TLN2: variants seen among roughly 807,000 people sequenced by gnomAD.
TLN2 encodes the protein talin-2.
Under a neutral mutation model 294.7 loss-of-function variants are expected in TLN2, and 118 were observed. That is an observed-to-expected ratio of 0.40 (90% CI 0.34 to 0.47). TLN2 has a LOEUF of 0.47. TLN2 is among the 20% of genes least tolerant of loss of function. The probability of loss-of-function intolerance (pLI) is 0.84; values close to 1 mark genes in which losing one functional copy is unlikely to be tolerated. For missense variants in TLN2, 3,083 were observed against 3,282.2 expected (o/e 0.94, Z 1.48); for synonymous variants, 1,431 against 1,304.5 (o/e 1.10, Z -2.09).
intron 31 of TLN2, 56 bp downstream of exon 31, chr15:62,739,601 A>G: frequency 6.3e-7 from 1 of 1,578,738 alleles, no homozygotes; most frequent in Non-Finnish European, 8.7e-7. Flanking sequence ...TCGGATGGAT[A>G]ATCCATCCTT....
Position 62,471,891 on chromosome 15 carries a change from G to GGGCAGA in TLN2, c.-238+81215_-238+81220dup, listed in dbSNP as rs566051839. Among the ~76,000 whole-genome samples, 391 of 152,250 alleles carry GGGCAGA rather than the reference G, an allele frequency of 2.6e-3. 2 individuals are homozygous for GGGCAGA. The highest frequency in any genetic ancestry group is 9.1e-3 in the African/African-American group (377 of 41,544). On this transcript the variant is annotated intron_variant, in intron 1 of 58. Coordinates refer to ENST00000636159, the MANE Select transcript of TLN2 (RefSeq NM_015059.3). ...AGTCAGATGGCAGCAGGAGGATGGGGGGCAGAGGCAGAGGGATTCCTTCTT... is the reference window on the plus strand; with the variant it reads ...AGTCAGATGGCAGCAGGAGGATGGGGGGCAGAGGCAGAGGCAGAGGGATTCCTTCTT...
intron 13 of TLN2, 142 bp from the exon 14 acceptor site, chr15:62,694,174 A>T: frequency 1.7e-6 from 1 of 600,608 alleles, no homozygotes. Flanking sequence ...ACGGGGTCTC[A>T]CTGTGTTGAC....
At chr15:62,500,751 G>A (rs1288624103) in intron 1 of TLN2, among the ~76,000 whole-genome samples, 1 of 152,182 alleles carries the variant, frequency 6.6e-6, no homozygotes, top group Admixed American at 6.5e-5. Context: ...CCTTCTTGAG[G>A]GAGCGCTGTT....
chr15:62,828,446 T>C (rs1000943112), intron 54 of TLN2: 2 of 152,168 alleles, frequency 1.3e-5, no homozygotes, highest in South Asian at 2.1e-4. Flanking sequence ...TTAGGCAGAG[T>C]AGAAGCTTAG....
chr15:62,697,578 G>T (rs2058434022), intron 14 of TLN2, 110 bp from the exon 15 acceptor site: 2 of 1,236,496 alleles, frequency 1.6e-6, no homozygotes, highest in Non-Finnish European at 1.1e-6. Flanking sequence ...GCCTCTTTTA[G>T]TTGGCCTTCA....
rs150786368 is a variant in TLN2 at position 62,823,111 on chromosome 15, T to C, written c.7002+2501T>C. 7.6e-3 allele frequency among the ~76,000 whole-genome samples: 1,152 copies of C among 152,266 alleles called. 9 individuals carry two copies. The highest frequency in any genetic ancestry group is 0.024 in the Middle Eastern group (7 of 294). Reference sequence around the variant, plus strand: ...ATAACTGATGATGTGAATCCTTTGTTTGAGGGTTCCTACCTTAGCTCACTC... The same window carrying C: ...ATAACTGATGATGTGAATCCTTTGTCTGAGGGTTCCTACCTTAGCTCACTC... On this transcript the variant is annotated intron_variant, in intron 54 of 58. Transcript: ENST00000636159.
chr15:62,403,233 A>AG (rs562357396), intron 1 of TLN2, among the ~76,000 whole-genome samples: 1 of 147,942 alleles, frequency 6.8e-6, no homozygotes, highest in Non-Finnish European at 1.5e-5. Context: ...AAAAAAAGAG[A>AG]GGAAAAAAAA....
In TLN2 at chr15:62,663,534, CTA is replaced by C. The variant is rs1487143240; in HGVS notation, c.788+5639_788+5640del. Among the ~76,000 whole-genome samples the C allele has an allele frequency of 2.0e-5, 3 of 150,904 alleles. No individual in the cohort carries two copies. In the East Asian group the frequency reaches 5.8e-4, roughly 29 times the overall value. On this transcript the variant is annotated intron_variant, in intron 9 of 58. Transcript: ENST00000636159. Reference sequence around the variant, plus strand: ...TTATCTACATAGATAATCAGTCAGTCTATAGAGAACCTTACTAGAATTAACAA... The same window carrying C: ...TTATCTACATAGATAATCAGTCAGTCTAGAGAACCTTACTAGAATTAACAA...
intron 1 of TLN2, among the ~76,000 whole-genome samples, chr15:62,548,773 T>C (rs57884824): frequency 0.16 from 24,965 of 152,192 alleles, 2,098 homozygotes; most frequent in African/African-American, 0.19. Flanking sequence ...GTGGCTGCTA[T>C]GTAGTGATTT....
chr15:62,565,460 G>A (rs1438542057), intron 1 of TLN2, among the ~76,000 whole-genome samples: 1 of 152,158 alleles, frequency 6.6e-6, no homozygotes, highest in Non-Finnish European at 1.5e-5. Context: ...GGGGATCTGT[G>A]CTAATGGATA....
In TLN2 at chr15:62,786,834, G is replaced by A. The variant is rs147159672; in HGVS notation, c.5736+2944G>A. 3.3e-5 allele frequency among the ~76,000 whole-genome samples: 5 copies of A among 152,280 alleles called. No individual in the cohort carries two copies. The East Asian group carries it at 7.7e-4, about 23-fold the overall frequency. On this transcript the variant is annotated intron_variant, in intron 45 of 58. Transcript: ENST00000636159. ...TTAGGTTGGTGCAAAAGTAAATGCA[G>A]TTTTTGCCATTACTTTTAGTGGCAA...
At chr15:62,822,352 T>C (rs746236306) in intron 54 of TLN2, among the ~76,000 whole-genome samples, 9 of 152,204 alleles carry the variant, frequency 5.9e-5, no homozygotes, top group African/African-American at 1.9e-4. Flanking sequence ...TGGGACTTAC[T>C]CCCTAGGAAA....
At chr15:62,587,191 A>G (rs1425962851) in intron 1 of TLN2, among the ~76,000 whole-genome samples, 1 of 152,262 alleles carries the variant, frequency 6.6e-6, no homozygotes, top group Admixed American at 6.5e-5. Flanking sequence ...TGTGTGCACG[A>G]ATGTCAGTAA....
chr15:62,600,313 A>G (rs959816307), intron 2 of TLN2, among the ~76,000 whole-genome samples: 3 of 152,220 alleles, frequency 2.0e-5, no homozygotes, highest in Non-Finnish European at 4.4e-5. Flanking sequence ...GGCATGAACT[A>G]AATTCAGCAC....
At chr15:62,714,439 T>G (rs2059641390) in intron 22 of TLN2, among the ~76,000 whole-genome samples, 1 of 151,992 alleles carries the variant, frequency 6.6e-6, no homozygotes, top group African/African-American at 2.4e-5. Context: ...CCTGACCTTG[T>G]GATCCACCCG....
At chr15:62,484,873 C>A (rs2038304865) in intron 1 of TLN2, among the ~76,000 whole-genome samples, 4 of 152,190 alleles carry the variant, frequency 2.6e-5, no homozygotes, top group African/African-American at 9.6e-5. Flanking sequence ...ATTGCTGCTG[C>A]AACAAATGAC....
Position 62,835,980 on chromosome 15 carries a change from A to G in TLN2, c.7281A>G (p.Ser2427=), listed in dbSNP as rs1323606498. The G allele has an allele frequency of 6.2e-7, 1 of 1,614,084 alleles. No homozygotes were observed. The highest frequency in any genetic ancestry group is 2.2e-5 in the East Asian group (1 of 44,876). ...QGHASEEKLI[S]SAKQVAASTA... ...ACGCCAGCGAGGAGAAGCTCATCTC[A>G]TCTGCCAAGCAGGTCGCCGCTTCCA... Residue 2427 remains serine, a synonymous_variant, in exon 57 of 59, where the codon TCA becomes TCG. Transcript: ENST00000636159.
intron 1 of TLN2, among the ~76,000 whole-genome samples, chr15:62,574,039 C>G (rs1263794952): frequency 6.6e-6 from 1 of 152,080 alleles, no homozygotes; most frequent in African/African-American, 2.4e-5. Context: ...AAGGAAGGAG[C>G]CTTGGGACCA....
At chr15:62,582,783 A>T (rs948166794) in intron 1 of TLN2, among the ~76,000 whole-genome samples, 1 of 152,242 alleles carries the variant, frequency 6.6e-6, no homozygotes, top group East Asian at 1.9e-4. Flanking sequence ...GTGTTACCTG[A>T]TTTAACCTGT....
Sources: allele counts gnomAD v4.1 joint callset (sites outside exome capture counted in the v4.1 genomes callset), GRCh38; gene constraint gnomAD v4.1.1; transcripts MANE v1.5; gene names NCBI Gene and HGNC (gene_info 2026-07-23, HGNC 2026-07-21).